Variants in GALNT1 observed in about 807,000 individuals in gnomAD.
GALNT1 encodes polypeptide N-acetylgalactosaminyltransferase 1, also known as GalNAc transferase 1.
Under a neutral mutation model 65.7 loss-of-function variants are expected in GALNT1, and 17 were observed. The observed-to-expected ratio is 0.26, with a 90% CI of 0.18 to 0.39. The LOEUF (loss-of-function observed/expected upper bound fraction) is 0.39, where lower values mean the gene tolerates loss of function less well. Among genes scored for constraint, GALNT1 ranks in the 10% least tolerant of loss-of-function variants. GALNT1 has a pLI of 1.00. For missense variants in GALNT1, 460 were observed against 672.8 expected (o/e 0.68, Z 3.50); for synonymous variants, 210 against 219.7 (o/e 0.96, Z 0.39).
At chr18:35,599,610 G>A (rs1477039986) in intron 1 of GALNT1, among the ~76,000 whole-genome samples, 4 of 152,104 alleles carry the variant, frequency 2.6e-5, no homozygotes. Flanking sequence ...CAGTCTGCCC[G>A]CCTTGGTCTC....
At chr18:35,620,798 C>G (rs1166536973) in intron 1 of GALNT1, among the ~76,000 whole-genome samples, 1 of 136,116 alleles carries the variant, frequency 7.3e-6, no homozygotes, top group Admixed American at 7.4e-5. Context: ...TTTTTTTGGT[C>G]ATTATAAACA....
intron 10 of GALNT1, 146 bp from the exon 11 acceptor site, chr18:35,703,362 TC>T (rs2048199512): frequency 1.3e-6 from 1 of 798,610 alleles, no homozygotes; most frequent in Non-Finnish European, 1.9e-6. Context: ...TGGTAGCTTT[TC>T]TGAGTCACTT....
intron 4 of GALNT1, among the ~76,000 whole-genome samples, chr18:35,678,493 A>G (rs542136315): frequency 6.6e-6 from 1 of 152,298 alleles, no homozygotes; most frequent in African/African-American, 2.4e-5. Flanking sequence ...ATTTCACACT[A>G]CAGAGTACCA....
intron 1 of GALNT1, among the ~76,000 whole-genome samples, chr18:35,654,032 A>G (rs1248652109): frequency 6.6e-6 from 1 of 152,192 alleles, no homozygotes; most frequent in Admixed American, 6.5e-5. Flanking sequence ...AACTCTATTA[A>G]TTCTTGAGCC....
chr18:35,642,016 A>C (rs1040576976), intron 1 of GALNT1, among the ~76,000 whole-genome samples: 2 of 152,226 alleles, frequency 1.3e-5, no homozygotes, highest in African/African-American at 4.8e-5. Flanking sequence ...CCTCTTACAG[A>C]TGCTTTCATG....
At chr18:35,648,689 G>C (rs998123035) in intron 1 of GALNT1, among the ~76,000 whole-genome samples, 1 of 152,090 alleles carries the variant, frequency 6.6e-6, no homozygotes, top group African/African-American at 2.4e-5. Flanking sequence ...TTGTAAAACT[G>C]GCATTGTTTC....
At chr18:35,709,079 C>T (rs552777141) in intron 11 of GALNT1, among the ~76,000 whole-genome samples, 19 of 152,154 alleles carry the variant, frequency 1.2e-4, no homozygotes, top group Non-Finnish European at 2.6e-4. Context: ...TAAATATCAG[C>T]TGTCCCAACA....
intron 1 of GALNT1, among the ~76,000 whole-genome samples, chr18:35,637,941 A>G (rs1046702291): frequency 1.3e-5 from 2 of 152,246 alleles, no homozygotes; most frequent in African/African-American, 4.8e-5. Context: ...TACATGGAAC[A>G]ACAAAGGCTG....
intron 1 of GALNT1, among the ~76,000 whole-genome samples, chr18:35,614,858 T>C (rs2046763120): frequency 6.6e-6 from 1 of 151,544 alleles, no homozygotes; most frequent in African/African-American, 2.4e-5. Context: ...TATTTCTCAA[T>C]AGTAAAAAAA....
intron 1 of GALNT1, among the ~76,000 whole-genome samples, chr18:35,630,918 A>G (rs1327927521): frequency 1.3e-5 from 2 of 152,244 alleles, no homozygotes; most frequent in East Asian, 1.9e-4. Context: ...AGAGAATACT[A>G]TAAACACCTC....
intron 1 of GALNT1, among the ~76,000 whole-genome samples, chr18:35,650,584 G>A (rs905131878): frequency 1.6e-4 from 25 of 152,224 alleles, no homozygotes; most frequent in Admixed American, 1.2e-3. Flanking sequence ...AAAGACAGAC[G>A]TTCCCAAAGC....
chr18:35,689,424 C>A, intron 7 of GALNT1, 134 bp downstream of exon 7: 1 of 608,676 alleles, frequency 1.6e-6, no homozygotes, highest in Non-Finnish European at 2.9e-6. Flanking sequence ...AGCCTTCAGT[C>A]CATAAAAAGG....
chr18:35,651,459 C>G (rs1281144503), intron 1 of GALNT1, among the ~76,000 whole-genome samples: 1 of 151,914 alleles, frequency 6.6e-6, no homozygotes, highest in African/African-American at 2.4e-5. Flanking sequence ...ATAAAATTGG[C>G]CTTGAGTTTC....
At chr18:35,668,930 T>G (rs1021760407) in intron 3 of GALNT1, among the ~76,000 whole-genome samples, 8 of 152,080 alleles carry the variant, frequency 5.3e-5, no homozygotes, top group African/African-American at 1.9e-4. Flanking sequence ...AGCTATTAAG[T>G]AGAATTAATT....
chr18:35,635,610 G>A (rs1478797890), intron 1 of GALNT1, among the ~76,000 whole-genome samples: 1 of 152,090 alleles, frequency 6.6e-6, no homozygotes, highest in Non-Finnish European at 1.5e-5. Context: ...TTGAAATACT[G>A]TTGGATTTGT....
chr18:35,709,992 C>T lies in GALNT1; in HGVS notation c.*222C>T. 2 of 482,472 alleles carry T rather than the reference C, an allele frequency of 4.1e-6. No homozygotes were observed. The highest frequency in any genetic ancestry group is 3.3e-5 in the Admixed American group (1 of 30,356). The allele number at this position is 482,472 out of a possible 1,614,324, so 29.9% of individuals were successfully genotyped here. A position where few individuals can be genotyped will look rare whatever the true frequency, so the allele number is the denominator to read the frequency against. On this transcript the variant is annotated 3_prime_UTR_variant, in exon 12 of 12. Transcript: ENST00000269195. ...AACTGCATAGTAATGAGACTGTGCA[C>T]ACTGATGTTTACAAGATTGAAAGAG...
intron 1 of GALNT1, among the ~76,000 whole-genome samples, chr18:35,640,668 A>G (rs1027003606): frequency 1.3e-5 from 2 of 152,222 alleles, no homozygotes; most frequent in African/African-American, 4.8e-5. Flanking sequence ...AGGTGAGAAG[A>G]CTTGTTTTAC....
chr18:35,663,778 C>G lies in GALNT1; in HGVS notation c.290C>G (p.Ser97Cys). Residue 97 changes from serine (S) to cysteine (C), a missense_variant, in exon 3 of 12, where the codon TCT becomes TGT. Ser to Cys is a moderately radical substitution (Grantham distance 112). Transcript: ENST00000269195. Reference sequence around the variant, plus strand: ...AGTGAGATGATTGCACTCAACAGATCTTTACCAGATGTTAGGTTAGAAGGG... The same window carrying G: ...AGTGAGATGATTGCACTCAACAGATGTTTACCAGATGTTAGGTTAGAAGGG... Reference protein sequence around the residue: ...MASEMIALNRSLPDVRLEGCK... With the variant: ...MASEMIALNRCLPDVRLEGCK... The G allele has an allele frequency of 1.9e-6, 3 of 1,613,712 alleles. No homozygotes were observed. Among genetic ancestry groups the G allele is most frequent in the Non-Finnish European group, 2.5e-6 (3 of 1,179,832 alleles).
intron 3 of GALNT1, among the ~76,000 whole-genome samples, chr18:35,674,677 T>C (rs1306616733): frequency 6.6e-6 from 1 of 152,206 alleles, no homozygotes; most frequent in Non-Finnish European, 1.5e-5. Context: ...AACCTGTATG[T>C]AACTTTTAGA....
Sources: gnomAD v4.1 joint callset for allele counts (sites outside exome capture counted in the v4.1 genomes callset) on GRCh38, gnomAD v4.1.1 for gene constraint, MANE v1.5 for transcripts, NCBI Gene and HGNC (gene_info 2026-07-23, HGNC 2026-07-21) for gene names.